The following SLCO3A1 variants were observed in gnomAD, a reference collection of about 807,000 sequenced individuals.
SLCO3A1 encodes the protein solute carrier organic anion transporter family member 3A1.
A neutral mutation model predicts 63.1 loss-of-function variants in SLCO3A1; 27 were observed. The observed-to-expected ratio is 0.43, with a 90% CI of 0.32 to 0.59. The LOEUF is 0.59. Among genes scored for constraint, SLCO3A1 ranks in the 20% least tolerant of loss-of-function variants. The pLI, the probability that SLCO3A1 is intolerant of heterozygous loss-of-function variation, is 0.09. For missense variants in SLCO3A1, 773 were observed against 945.8 expected (o/e 0.82, Z 2.40); for synonymous variants, 473 against 409.9 (o/e 1.15, Z -1.86).
chr15:92,004,324 G>A (rs777882244), intron 2 of SLCO3A1, among the ~76,000 whole-genome samples: 4 of 152,230 alleles, frequency 2.6e-5, no homozygotes, highest in Non-Finnish European at 4.4e-5. Context: ...AGACCATGAC[G>A]ATGGTGTCCG....
intron 10 of SLCO3A1, chr15:92,171,355 A>C (rs1487786279): frequency 6.4e-6 from 1 of 156,456 alleles, no homozygotes; most frequent in Non-Finnish European, 1.4e-5. Flanking sequence ...GGAGGAGGAA[A>C]TATGACATTG....
chr15:92,147,244 C>T lies in SLCO3A1; in HGVS notation c.1688+85C>T, dbSNP rs1040573946. 78 of 1,367,246 alleles carry T rather than the reference C, an allele frequency of 5.7e-5. No individual in the cohort carries two copies. In the Admixed American group the frequency reaches 1.6e-3, roughly 28 times the overall value. 84.7% of individuals were successfully genotyped at this position (1,367,246 alleles called of 1,614,324 possible). A position where few individuals can be genotyped will look rare whatever the true frequency, so the allele number is the denominator to read the frequency against. On this transcript the variant is annotated intron_variant, in intron 8 of 9. Transcript: ENST00000318445. ...TCCTAGGGACCAGAGCTTCAGACAACAGGAATCTCTCGAACCAGGTGAGCT... is the reference window on the plus strand; with the variant it reads ...TCCTAGGGACCAGAGCTTCAGACAATAGGAATCTCTCGAACCAGGTGAGCT...
chr15:91,887,627 G>A (rs562073257), intron 1 of SLCO3A1, among the ~76,000 whole-genome samples: 10 of 152,286 alleles, frequency 6.6e-5, no homozygotes, highest in African/African-American at 9.6e-5. Context: ...TGGCCACTTC[G>A]TAGTAATAAA....
intron 1 of SLCO3A1, among the ~76,000 whole-genome samples, chr15:91,908,223 C>T (rs1364426917): frequency 6.8e-6 from 1 of 146,328 alleles, no homozygotes; most frequent in Admixed American, 6.8e-5. Flanking sequence ...CAACTTGCCC[C>T]CTAAAATGAT....
At chr15:91,934,781 C>T (rs1369326859) in intron 2 of SLCO3A1, among the ~76,000 whole-genome samples, 1 of 152,114 alleles carries the variant, frequency 6.6e-6, no homozygotes, top group Non-Finnish European at 1.5e-5. Context: ...TCTATTTTTC[C>T]GGTTGAACTT....
chr15:92,051,075 T>C (rs1199441513), intron 2 of SLCO3A1, among the ~76,000 whole-genome samples: 2 of 152,254 alleles, frequency 1.3e-5, no homozygotes, highest in Non-Finnish European at 2.9e-5. Context: ...TGTTGTGTTT[T>C]CTCCATAGTA....
At chr15:92,090,273 T>A (rs1408004938) in intron 2 of SLCO3A1, among the ~76,000 whole-genome samples, 1 of 152,204 alleles carries the variant, frequency 6.6e-6, no homozygotes, top group Non-Finnish European at 1.5e-5. Context: ...GATAGTAGAT[T>A]CACATGTCCA....
intron 2 of SLCO3A1, among the ~76,000 whole-genome samples, chr15:92,010,638 A>T (rs1451072874): frequency 2.0e-5 from 3 of 152,054 alleles, no homozygotes; most frequent in Non-Finnish European, 4.4e-5. Flanking sequence ...ATTCATTTAA[A>T]TTTTTCTCCT....
chr15:92,144,425 C>T (rs1425599102), intron 7 of SLCO3A1, among the ~76,000 whole-genome samples: 1 of 152,202 alleles, frequency 6.6e-6, no homozygotes, highest in African/African-American at 2.4e-5. Context: ...GTTATGCAAG[C>T]TTAAGTCAGT....
intron 1 of SLCO3A1, among the ~76,000 whole-genome samples, chr15:91,857,742 A>C (rs1871799355): frequency 6.6e-6 from 1 of 152,158 alleles, no homozygotes; most frequent in African/African-American, 2.4e-5. Flanking sequence ...GTGTGGTATC[A>C]AATTACTGAG....
intron 2 of SLCO3A1, among the ~76,000 whole-genome samples, chr15:91,935,723 G>A (rs971012744): frequency 2.0e-5 from 3 of 152,288 alleles, no homozygotes; most frequent in South Asian, 2.1e-4. Context: ...TTTCACCTGC[G>A]TTGCAGAGAC....
intron 2 of SLCO3A1, among the ~76,000 whole-genome samples, chr15:91,949,387 T>C (rs905267249): frequency 6.6e-6 from 1 of 152,138 alleles, no homozygotes; most frequent in Admixed American, 6.6e-5. Context: ...CCCAGCACTT[T>C]GGGAGGCTGA....
intron 1 of SLCO3A1, among the ~76,000 whole-genome samples, chr15:91,864,280 G>C (rs1710272878): frequency 6.6e-6 from 1 of 152,218 alleles, no homozygotes; most frequent in African/African-American, 2.4e-5. Flanking sequence ...TCAGGGCACA[G>C]AATTGAGGCA....
At position 91,865,432 on chromosome 15, in the gene SLCO3A1, A is replaced by G. The variant is rs1203275324; in HGVS notation, c.180+11344A>G. ...ATTTCAGAAGGAAAAAACCAGGTCT[A>G]TTCATTAACTAGGGCTGCTGTAACA... On this transcript the variant is annotated intron_variant, in intron 1 of 9. Transcript: ENST00000318445. This position sits in a 1 kb window ranked among gnomAD's most constrained non-coding sequence, Gnocchi z 4.6. 6.6e-6 allele frequency among the ~76,000 whole-genome samples: 1 copy of G among 152,174 alleles called. No homozygotes were observed. Among genetic ancestry groups the G allele is most frequent in the Non-Finnish European group, 1.5e-5 (1 of 68,022 alleles).
At chr15:92,051,545 T>C (rs1382415863) in intron 2 of SLCO3A1, among the ~76,000 whole-genome samples, 1 of 152,088 alleles carries the variant, frequency 6.6e-6, no homozygotes, top group Non-Finnish European at 1.5e-5. Context: ...TTTATTCCAA[T>C]TTTATTAGGA....
Position 92,164,313 on chromosome 15 carries a change from AG to A in SLCO3A1, c.*1179del, listed in dbSNP as rs1401846069. 2.0e-6 allele frequency: 2 copies of A among 984,510 alleles called. No homozygotes were observed. Among genetic ancestry groups the A allele is most frequent in the African/African-American group, 1.7e-5 (1 of 57,204 alleles). 61.0% of individuals were successfully genotyped at this position (984,510 alleles called of 1,614,324 possible). On this transcript the variant is annotated 3_prime_UTR_variant, in exon 10 of 10. Transcript: ENST00000318445. The stretch of plus-strand genomic sequence containing the variant: ...CAAGAATATACAATGTGTTACAAGA[AG>A]AAAAAAAAATGCTTCAAAAAGAGAG...
In SLCO3A1 at chr15:92,001,832, T is replaced by C. The variant is rs1396322898; in HGVS notation, c.646+85374T>C. On this transcript the variant is annotated intron_variant, in intron 2 of 9. Coordinates refer to ENST00000318445, the MANE Select transcript of SLCO3A1 (RefSeq NM_013272.4). ...CCATGGAAGTTGTGTGAGTTCTTTT[T>C]TTTTTTTTTTTTTTTTTTTTTGAGA... Among the ~76,000 whole-genome samples the C allele has an allele frequency of 1.6e-4, 23 of 142,600 alleles. 1 individual carries two copies. The highest frequency in any genetic ancestry group is 5.7e-4 in the African/African-American group (22 of 38,454). 93.6% of individuals were successfully genotyped at this position (142,600 alleles called of 152,430 possible).
intron 2 of SLCO3A1, among the ~76,000 whole-genome samples, chr15:91,959,073 G>A (rs945033201): frequency 6.6e-6 from 1 of 152,138 alleles, no homozygotes; most frequent in African/African-American, 2.4e-5. Context: ...TATACACCAC[G>A]GAATACTACT....
chr15:92,011,715 G>A (rs919487636), intron 2 of SLCO3A1, among the ~76,000 whole-genome samples: 31 of 152,230 alleles, frequency 2.0e-4, no homozygotes, highest in Non-Finnish European at 8.8e-5. Context: ...CTGTGCTAGG[G>A]CAAGGGCTCA....
Sources: gnomAD v4.1 joint callset for allele counts (sites outside exome capture counted in the v4.1 genomes callset) on GRCh38, gnomAD v4.1.1 for gene constraint, Gnocchi (gnomAD v3.1) non-coding constraint, MANE v1.5 for transcripts, NCBI Gene and HGNC (gene_info 2026-07-23, HGNC 2026-07-21) for gene names.